CLSTN2: variants seen among roughly 807,000 people sequenced by gnomAD.
CLSTN2 encodes calsyntenin 2, also known as calsyntenin-2.
A neutral mutation model predicts 101.2 loss-of-function variants in CLSTN2; 48 were observed. That is an observed-to-expected ratio of 0.47 (90% CI 0.38 to 0.60). The LOEUF is 0.60. Ranked by LOEUF, CLSTN2 falls within the 20% of genes least tolerant of loss-of-function variation. The pLI, the probability that CLSTN2 is intolerant of heterozygous loss-of-function variation, is 0.00. For synonymous variants in CLSTN2, 481 were observed against 463.6 expected (o/e 1.04, Z -0.48); for missense variants, 1,160 against 1,238.2 (o/e 0.94, Z 0.95).
rs192463285 is a variant in CLSTN2 at position 140,360,517 on chromosome 3, C to A, written c.233-43112C>A. Among the ~76,000 whole-genome samples the A allele has an allele frequency of 3.9e-5, 6 of 152,228 alleles. No individual in the cohort carries two copies. In the East Asian group the frequency reaches 9.6e-4, roughly 24 times the overall value. ...TAGAAACTCAGATGACTGAAAAAGT[C>A]ATTCTTACACAGTCTTTGTCACTAA... On this transcript the variant is annotated intron_variant, in intron 2 of 16. Transcript: ENST00000458420.
At chr3:140,249,149 G>T (rs2086540989) in intron 2 of CLSTN2, among the ~76,000 whole-genome samples, 1 of 152,140 alleles carries the variant, frequency 6.6e-6, no homozygotes, top group Admixed American at 6.6e-5. Flanking sequence ...CAGCCAGCTT[G>T]GTACAAGTCA....
chr3:140,438,160 G>A (rs1027153677), intron 5 of CLSTN2, among the ~76,000 whole-genome samples: 2 of 152,012 alleles, frequency 1.3e-5, no homozygotes, highest in Non-Finnish European at 2.9e-5. Context: ...TATTTACTGG[G>A]CCAAAGTCTA....
At chr3:140,079,021 G>A (rs1036395679) in intron 1 of CLSTN2, among the ~76,000 whole-genome samples, 2 of 152,216 alleles carry the variant, frequency 1.3e-5, no homozygotes, top group Admixed American at 6.5e-5. Flanking sequence ...ACCTATTTTT[G>A]AGTCCTAGTT....
chr3:140,351,368 C>T (rs2087605257), intron 2 of CLSTN2, among the ~76,000 whole-genome samples: 1 of 152,170 alleles, frequency 6.6e-6, no homozygotes, highest in Non-Finnish European at 1.5e-5. Flanking sequence ...GTTCATTCTG[C>T]AGGGCAATAA....
chr3:140,404,208 C>A (rs1055489988), intron 3 of CLSTN2, among the ~76,000 whole-genome samples: 1 of 152,166 alleles, frequency 6.6e-6, no homozygotes, highest in Non-Finnish European at 1.5e-5. Flanking sequence ...CTGCTTTTTC[C>A]CTTATGTTTA....
intron 1 of CLSTN2, among the ~76,000 whole-genome samples, chr3:139,986,476 G>T (rs974151922): frequency 6.6e-6 from 1 of 152,078 alleles, no homozygotes; most frequent in Non-Finnish European, 1.5e-5. Context: ...ACCCTGCAGG[G>T]CCTGGAATAC....
intron 2 of CLSTN2, among the ~76,000 whole-genome samples, chr3:140,189,746 C>A (rs1327457214): frequency 6.6e-6 from 1 of 152,102 alleles, no homozygotes; most frequent in African/African-American, 2.4e-5. Context: ...GGTTGAGACT[C>A]CTTTATTTGT....
At position 139,935,311 on chromosome 3, in the gene CLSTN2, C is replaced by A; in HGVS notation, c.-64C>A. On this transcript the variant is annotated 5_prime_UTR_variant, in exon 1 of 17. Transcript: ENST00000458420. The surrounding 1 kb of genome is among the most constrained non-coding windows in gnomAD (Gnocchi z 5.5). Reference sequence around the variant, plus strand: ...AGGCGGCCCACGGTGCGGCAGGCACCGGGAGGCGAGAGCCGGCGCGGACAG... The same window carrying A: ...AGGCGGCCCACGGTGCGGCAGGCACAGGGAGGCGAGAGCCGGCGCGGACAG... 1 of 913,142 alleles carries A rather than the reference C, an allele frequency of 1.1e-6. No homozygotes were observed. Among genetic ancestry groups the A allele is most frequent in the Non-Finnish European group, 1.4e-6 (1 of 700,846 alleles). The allele number at this position is 913,142 out of a possible 1,614,324, so 56.6% of individuals were successfully genotyped here. A position where few individuals can be genotyped will look rare whatever the true frequency, so the allele number is the denominator to read the frequency against.
At chr3:140,213,620 G>C (rs1464372149) in intron 2 of CLSTN2, among the ~76,000 whole-genome samples, 1 of 152,222 alleles carries the variant, frequency 6.6e-6, no homozygotes, top group Non-Finnish European at 1.5e-5. Flanking sequence ...GCAATTGGTG[G>C]ACAGGGTCCC....
chr3:139,950,856 C>A (rs1272540011), intron 1 of CLSTN2, among the ~76,000 whole-genome samples: 1 of 152,198 alleles, frequency 6.6e-6, no homozygotes, highest in African/African-American at 2.4e-5. Context: ...CAGTTCGCAG[C>A]AACACCACGT....
intron 1 of CLSTN2, among the ~76,000 whole-genome samples, chr3:140,142,889 T>C (rs912069070): frequency 1.3e-5 from 2 of 152,076 alleles, no homozygotes; most frequent in Non-Finnish European, 2.9e-5. Flanking sequence ...GATGACCCAT[T>C]TGAAAGTGCA....
intron 2 of CLSTN2, among the ~76,000 whole-genome samples, chr3:140,398,005 A>G (rs2088202516): frequency 1.7e-5 from 1 of 57,166 alleles, no homozygotes; most frequent in Non-Finnish European, 5.6e-5. Flanking sequence ...CCAAACTGAA[A>G]GCTTCAGTTT....
intron 1 of CLSTN2, among the ~76,000 whole-genome samples, chr3:140,047,633 A>G (rs1031803574): frequency 2.0e-5 from 3 of 152,200 alleles, no homozygotes; most frequent in African/African-American, 4.8e-5. Flanking sequence ...TTGAGGGGTC[A>G]CATCTGGTAA....
chr3:140,090,666 A>G (rs1397250709), intron 1 of CLSTN2, among the ~76,000 whole-genome samples: 1 of 152,118 alleles, frequency 6.6e-6, no homozygotes, highest in Non-Finnish European at 1.5e-5. Flanking sequence ...AGTGAATCTC[A>G]TGGGAAGAGT....
At chr3:140,318,182 C>T (rs1251379073) in intron 2 of CLSTN2, among the ~76,000 whole-genome samples, 1 of 152,138 alleles carries the variant, frequency 6.6e-6, no homozygotes, top group Non-Finnish European at 1.5e-5. Context: ...AGGCAGTCTT[C>T]TGGGAATGGT....
At chr3:140,095,598 G>T (rs2008856489) in intron 1 of CLSTN2, among the ~76,000 whole-genome samples, 2 of 152,104 alleles carry the variant, frequency 1.3e-5, no homozygotes, top group Non-Finnish European at 2.9e-5. Context: ...TCAGGCTTTG[G>T]CATAACTACT....
At chr3:140,002,162 A>T (rs2006856336) in intron 1 of CLSTN2, among the ~76,000 whole-genome samples, 1 of 152,148 alleles carries the variant, frequency 6.6e-6, no homozygotes, top group South Asian at 2.1e-4. Flanking sequence ...CTGTAGTGGG[A>T]TGTACTCATT....
intron 4 of CLSTN2, among the ~76,000 whole-genome samples, chr3:140,415,486 C>CAAAAAAAAAAAAA (rs751616049): frequency 1.8e-3 from 100 of 56,844 alleles, no homozygotes; most frequent in Middle Eastern, 0.025. Context: ...CACAAAATAG[C>CAAAAAAAAAAAAA]AAAAAAAAAA....
At chr3:140,363,121 A>G (rs1045242627) in intron 2 of CLSTN2, among the ~76,000 whole-genome samples, 2 of 152,226 alleles carry the variant, frequency 1.3e-5, no homozygotes, top group Non-Finnish European at 2.9e-5. Flanking sequence ...TGGTATATCT[A>G]TACAATGGAA....
Sources: allele counts gnomAD v4.1 joint callset (sites outside exome capture counted in the v4.1 genomes callset), GRCh38; gene constraint gnomAD v4.1.1; non-coding constraint Gnocchi (gnomAD v3.1); transcripts MANE v1.5; gene names NCBI Gene and HGNC (gene_info 2026-07-23, HGNC 2026-07-21).